The following PEBP4 variants were observed in gnomAD, a reference collection of about 807,000 sequenced individuals.
The protein encoded by PEBP4 is phosphatidylethanolamine-binding protein 4.
PEBP4 carries 22 observed loss-of-function variants against 23.9 expected under a neutral mutation model. The observed-to-expected ratio is 0.92, with a 90% CI of 0.66 to 1.31. PEBP4 has a LOEUF of 1.31. PEBP4 is among the 40% of genes most tolerant of loss of function. The probability of loss-of-function intolerance (pLI) is 0.00; values close to 1 mark genes in which losing one functional copy is unlikely to be tolerated. For missense variants in PEBP4, 324 were observed against 281.7 expected (o/e 1.15, Z -1.07); for synonymous variants, 112 against 99.3 (o/e 1.13, Z -0.76).
chr8:22,833,794 A>C (rs535200341), intron 3 of PEBP4, among the ~76,000 whole-genome samples: 26 of 152,316 alleles, frequency 1.7e-4, no homozygotes, highest in Middle Eastern at 3.4e-3. Context: ...TCAAGCTACC[A>C]AGGCTGGGCC....
At chr8:22,779,941 GT>G (rs1480593927) in intron 4 of PEBP4, among the ~76,000 whole-genome samples, 1 of 149,774 alleles carries the variant, frequency 6.7e-6, no homozygotes, top group African/African-American at 2.5e-5. Context: ...CAGGCATCTT[GT>G]TTTTTTAAAA....
intron 4 of PEBP4, among the ~76,000 whole-genome samples, chr8:22,801,635 C>A (rs531243975): frequency 6.6e-6 from 1 of 152,230 alleles, no homozygotes; most frequent in African/African-American, 2.4e-5. Flanking sequence ...AGGGAAAAGG[C>A]AGAACCTGAG....
At chr8:22,897,773 C>T (rs987592889) in intron 3 of PEBP4, 3 of 152,228 alleles carry the variant, frequency 2.0e-5, no homozygotes, top group African/African-American at 4.8e-5. Flanking sequence ...CTGCTCTTCC[C>T]TCAGCCTTTC....
At chr8:22,810,705 TGTGTGTGTGA>T (rs1314586852) in intron 4 of PEBP4, among the ~76,000 whole-genome samples, 9 of 126,566 alleles carry the variant, frequency 7.1e-5, no homozygotes, top group African/African-American at 2.4e-4. Flanking sequence ...TGTGTGTGTG[TGTGTGTGTGA>T]GAGAGAGAGA....
chr8:22,940,389 T>C (rs1487399195), intron 1 of PEBP4, among the ~76,000 whole-genome samples: 4 of 152,012 alleles, frequency 2.6e-5, no homozygotes, highest in African/African-American at 9.7e-5. Flanking sequence ...GATAGGCACC[T>C]AGAAACGCCA....
At chr8:22,896,610 C>T (rs1302930939) in intron 3 of PEBP4, among the ~76,000 whole-genome samples, 1 of 152,184 alleles carries the variant, frequency 6.6e-6, no homozygotes, top group Non-Finnish European at 1.5e-5. Flanking sequence ...CCCCAGCAGT[C>T]CTTGGCCTCT....
intron 4 of PEBP4, among the ~76,000 whole-genome samples, chr8:22,810,877 T>TGAGA (rs33995327): frequency 0.093 from 12,756 of 137,058 alleles, 683 homozygotes; most frequent in East Asian, 0.29. Flanking sequence ...CTCAGAGTGC[T>TGAGA]GAGAGAGAGA....
intron 3 of PEBP4, chr8:22,897,843 A>C (rs906599511): frequency 3.9e-5 from 6 of 152,082 alleles, no homozygotes; most frequent in Non-Finnish European, 8.8e-5. Flanking sequence ...CCTAACCCCC[A>C]GTGTGATGGT....
At chr8:22,834,963 T>G (rs1004017561) in intron 3 of PEBP4, among the ~76,000 whole-genome samples, 1 of 152,310 alleles carries the variant, frequency 6.6e-6, no homozygotes, top group East Asian at 1.9e-4. Flanking sequence ...TCTCCTATGA[T>G]AGGGATTTTT....
chr8:22,877,432 T>A (rs1486617570), intron 3 of PEBP4, among the ~76,000 whole-genome samples: 1 of 152,206 alleles, frequency 6.6e-6, no homozygotes, highest in Non-Finnish European at 1.5e-5. Flanking sequence ...TTGCCCTGAC[T>A]CCAGTAGCCC....
chr8:22,759,164 A>C (rs930753698), intron 4 of PEBP4, among the ~76,000 whole-genome samples: 2 of 152,106 alleles, frequency 1.3e-5, no homozygotes, highest in African/African-American at 4.8e-5. Flanking sequence ...GAGGCGCTGC[A>C]GACCTGGGCC....
intron 4 of PEBP4, among the ~76,000 whole-genome samples, chr8:22,768,745 C>A (rs139386505): frequency 6.6e-6 from 1 of 151,640 alleles, no homozygotes; most frequent in Non-Finnish European, 1.5e-5. Flanking sequence ...GGAGTGGGGG[C>A]GGGCTTTTTG....
intron 3 of PEBP4, among the ~76,000 whole-genome samples, chr8:22,860,218 A>G (rs531020893): frequency 4.8e-4 from 69 of 142,910 alleles, no homozygotes; most frequent in South Asian, 3.8e-3. Flanking sequence ...ACATATATGT[A>G]TATATATATA....
intron 4 of PEBP4, among the ~76,000 whole-genome samples, chr8:22,784,418 T>G (rs1215236795): frequency 6.6e-6 from 1 of 152,140 alleles, no homozygotes; most frequent in Non-Finnish European, 1.5e-5. Context: ...GCTTTTACAA[T>G]TTGTCATTGA....
chr8:22,829,637 C>G (rs541640998), intron 3 of PEBP4, among the ~76,000 whole-genome samples: 1 of 152,292 alleles, frequency 6.6e-6, no homozygotes, highest in African/African-American at 2.4e-5. Flanking sequence ...CTTCCTCTGT[C>G]ATGCTTTGGA....
At chr8:22,871,459 CT>C (rs200615987) in intron 3 of PEBP4, among the ~76,000 whole-genome samples, 10 of 147,274 alleles carry the variant, frequency 6.8e-5, no homozygotes, top group African/African-American at 2.0e-4. Flanking sequence ...CCATAACATT[CT>C]TTTTTTTTCA....
intron 3 of PEBP4, among the ~76,000 whole-genome samples, chr8:22,906,620 T>C (rs1808820416): frequency 6.6e-6 from 1 of 152,252 alleles, no homozygotes; most frequent in Admixed American, 6.5e-5. Flanking sequence ...GTGGCTGAGA[T>C]GACTGTCCAT....
chr8:22,855,970 G>A (rs536078449), intron 3 of PEBP4, among the ~76,000 whole-genome samples: 1 of 150,330 alleles, frequency 6.7e-6, no homozygotes, highest in Admixed American at 6.7e-5. Context: ...GTTGAGCCTA[G>A]GAGGCTGAGG....
At chr8:22,724,807 AC>A in intron 6 of PEBP4, 35 bp downstream of exon 6, 1 of 1,525,140 alleles carries the variant, frequency 6.6e-7, no homozygotes, top group Non-Finnish European at 9.1e-7. Flanking sequence ...CCCAGAATTC[AC>A]CCCGGTGGTG....
Sources: gnomAD v4.1 joint callset for allele counts (sites outside exome capture counted in the v4.1 genomes callset) on GRCh38, gnomAD v4.1.1 for gene constraint, MANE v1.5 for transcripts, NCBI Gene and HGNC (gene_info 2026-07-23, HGNC 2026-07-21) for gene names.